The following WIPF2 variants were observed in gnomAD, a reference collection of about 807,000 sequenced individuals.
The protein encoded by WIPF2 is WAS/WASL interacting protein family member 2.
A neutral mutation model predicts 38.8 loss-of-function variants in WIPF2; 23 were observed. The ratio of observed to expected loss-of-function variants is 0.59; its 90% CI spans 0.43 to 0.84. The LOEUF is 0.84. Ranked by LOEUF, WIPF2 falls within the 40% of genes least tolerant of loss-of-function variation. WIPF2 has a pLI of 0.00. For synonymous variants in WIPF2, 210 were observed against 223.2 expected (o/e 0.94, Z 0.53); for missense variants, 574 against 580.5 (o/e 0.99, Z 0.11).
chr17:40,278,526 G>A lies in WIPF2; in HGVS notation c.*301G>A, dbSNP rs973825263. ...TCTTCTGCCTTCCTCTTGGGGAAAGGTGCCTTGTTGTGATGAATTAACTCA... is the reference window on the plus strand; with the variant it reads ...TCTTCTGCCTTCCTCTTGGGGAAAGATGCCTTGTTGTGATGAATTAACTCA... On this transcript the variant is annotated 3_prime_UTR_variant, in exon 8 of 8. Coordinates refer to ENST00000323571, the MANE Select transcript of WIPF2 (RefSeq NM_133264.5). 5.0e-6 allele frequency: 2 copies of A among 399,130 alleles called. No homozygotes were observed. The highest frequency in any genetic ancestry group is 4.0e-5 in the Admixed American group (1 of 24,810). 24.7% of individuals were successfully genotyped at this position (399,130 alleles called of 1,614,324 possible). A position where few individuals can be genotyped will look rare whatever the true frequency, so the allele number is the denominator to read the frequency against.
intron 1 of WIPF2, among the ~76,000 whole-genome samples, chr17:40,239,199 G>C (rs1489026340): frequency 1.3e-5 from 2 of 151,732 alleles, no homozygotes; most frequent in Non-Finnish European, 2.9e-5. Flanking sequence ...AGCCTCCCAA[G>C]TAGCTGGGAC....
intron 1 of WIPF2, among the ~76,000 whole-genome samples, chr17:40,241,504 A>G (rs1045634085): frequency 3.9e-5 from 6 of 152,156 alleles, no homozygotes; most frequent in Non-Finnish European, 8.8e-5. Context: ...TTAGTATTAA[A>G]TGTTGGCTGA....
At chr17:40,234,979 C>T (rs747271535) in intron 1 of WIPF2, among the ~76,000 whole-genome samples, 65 of 151,416 alleles carry the variant, frequency 4.3e-4, no homozygotes, top group South Asian at 3.3e-3. Flanking sequence ...TGCAGAGTGG[C>T]GCGATCTCAG....
chr17:40,228,799 G>A (rs1278916205), intron 1 of WIPF2, among the ~76,000 whole-genome samples: 1 of 151,796 alleles, frequency 6.6e-6, no homozygotes, highest in Admixed American at 6.6e-5. Flanking sequence ...AAAATTTTTT[G>A]TAGACGTGAG....
At chr17:40,273,652 C>A in intron 5 of WIPF2, 138 bp from the exon 6 acceptor site, 1 of 598,242 alleles carries the variant, frequency 1.7e-6, no homozygotes, top group South Asian at 2.0e-5. Context: ...TGATGCTGTT[C>A]AAGTAATAAG....
At chr17:40,274,878 C>T (rs2145413385) in intron 6 of WIPF2, among the ~76,000 whole-genome samples, 1 of 147,794 alleles carries the variant, frequency 6.8e-6, no homozygotes, top group East Asian at 2.0e-4. Flanking sequence ...CTGCAGCAAA[C>T]CATTGATCAC....
intron 2 of WIPF2, among the ~76,000 whole-genome samples, chr17:40,259,537 TTAA>T: frequency 6.6e-6 from 1 of 152,300 alleles, no homozygotes; most frequent in East Asian, 1.9e-4. Context: ...TGTTTGTTTA[TTAA>T]TGATGTGACG....
chr17:40,235,789 G>A (rs1217348630), intron 1 of WIPF2, among the ~76,000 whole-genome samples: 1 of 151,704 alleles, frequency 6.6e-6, no homozygotes, highest in African/African-American at 2.4e-5. Context: ...GGTCAGGCTG[G>A]TCTCGAATTC....
At chr17:40,258,453 A>G (rs544535268) in intron 2 of WIPF2, among the ~76,000 whole-genome samples, 6 of 152,220 alleles carry the variant, frequency 3.9e-5, no homozygotes, top group Admixed American at 3.9e-4. Flanking sequence ...TTAGCTGTGC[A>G]TGGTGGCGCT....
At chr17:40,237,318 G>A (rs184855544) in intron 1 of WIPF2, among the ~76,000 whole-genome samples, 8 of 145,176 alleles carry the variant, frequency 5.5e-5, no homozygotes, top group Admixed American at 2.2e-4. Flanking sequence ...TCGGGTCACC[G>A]CAATCTCCGC....
Position 40,283,223 on chromosome 17 carries a change from A to G in WIPF2, c.*4998A>G, listed in dbSNP as rs1361463600. On this transcript the variant is annotated 3_prime_UTR_variant, in exon 8 of 8. Coordinates refer to ENST00000323571, the MANE Select transcript of WIPF2 (RefSeq NM_133264.5). ...GAGTTCTAGTTACCCTTCCTGGGAG[A>G]TTCTGATGGTCCTTATTTTATTATT... 2 of 133,022 alleles carry G rather than the reference A, an allele frequency of 1.5e-5. No individual in the cohort carries two copies. The highest frequency in any genetic ancestry group is 2.5e-4 in the East Asian group (1 of 4,014). The allele number at this position is 133,022 out of a possible 1,614,324, so 8.2% of individuals were successfully genotyped here. A position where few individuals can be genotyped will look rare whatever the true frequency, so the allele number is the denominator to read the frequency against.
chr17:40,242,399 TTTGTTGTTG>T (rs897159305), intron 1 of WIPF2, among the ~76,000 whole-genome samples: 5 of 150,772 alleles, frequency 3.3e-5, no homozygotes, highest in African/African-American at 9.9e-5. Context: ...CAAGAAATTT[TTTGTTGTTG>T]TTGTTGTTGT....
At chr17:40,250,201 C>CAAAGCG (rs531301133) in intron 1 of WIPF2, among the ~76,000 whole-genome samples, 162 of 137,252 alleles carry the variant, frequency 1.2e-3, no homozygotes, top group African/African-American at 4.3e-3. Context: ...TGAGGATGTG[C>CAAAGCG]AAAGCGAATT....
rs536139340 is a variant in WIPF2, at chr17:40,235,836, A to G, written c.-70+16344A>G. ...TGATCTGCCTGTCTTGGCCTCCCAA[A>G]GTGCTGGGATTACAGGCATGAGCCA... On this transcript the variant is annotated intron_variant, in intron 1 of 7. Coordinates refer to ENST00000323571, the MANE Select transcript of WIPF2 (RefSeq NM_133264.5). Among the ~76,000 whole-genome samples, 6 of 152,136 alleles carry G rather than the reference A, an allele frequency of 3.9e-5. No individual in the cohort carries two copies. In the East Asian group the frequency reaches 1.2e-3, roughly 29 times the overall value.
chr17:40,278,588 C>G lies in WIPF2; in HGVS notation c.*363C>G. ...GGGTGGAGAATGGTACTCCTTCCTT[C>G]TCCTGTCCACTGTGGGGGAAGCTTG... is the stretch of plus-strand genomic sequence containing the variant. On this transcript the variant is annotated 3_prime_UTR_variant, in exon 8 of 8. Transcript: ENST00000323571. The G allele has an allele frequency of 4.5e-6, 1 of 223,916 alleles. No individual in the cohort carries two copies. Among genetic ancestry groups the G allele is most frequent in the Admixed American group, 5.5e-5 (1 of 18,174 alleles). The allele number at this position is 223,916 out of a possible 1,614,324, so 13.9% of individuals were successfully genotyped here.
chr17:40,238,043 C>T (rs1348487014), intron 1 of WIPF2, among the ~76,000 whole-genome samples: 1 of 149,108 alleles, frequency 6.7e-6, no homozygotes, highest in Non-Finnish European at 1.5e-5. Flanking sequence ...TCCAGCCTGG[C>T]AACAGAGGGA....
intron 1 of WIPF2, among the ~76,000 whole-genome samples, chr17:40,232,707 T>C (rs2030799379): frequency 6.6e-6 from 1 of 150,526 alleles, no homozygotes; most frequent in Admixed American, 6.6e-5. Flanking sequence ...TGGTGTGATC[T>C]CGGCTCACTG....
intron 1 of WIPF2, among the ~76,000 whole-genome samples, chr17:40,242,716 A>G (rs1272548922): frequency 2.6e-5 from 4 of 152,290 alleles, no homozygotes; most frequent in Middle Eastern, 6.8e-3. Context: ...AACAGTTTTG[A>G]TGAACAAAGT....
Position 40,281,298 on chromosome 17 carries a change from T to C in WIPF2, c.*3073T>C, listed in dbSNP as rs2032541183. 6.6e-6 allele frequency: 1 copy of C among 152,084 alleles called. No homozygotes were observed. Among genetic ancestry groups the C allele is most frequent in the African/African-American group, 2.4e-5 (1 of 41,438 alleles). 9.4% of individuals were successfully genotyped at this position (152,084 alleles called of 1,614,324 possible). A position where few individuals can be genotyped will look rare whatever the true frequency, so the allele number is the denominator to read the frequency against. On this transcript the variant is annotated 3_prime_UTR_variant, in exon 8 of 8. Coordinates refer to ENST00000323571, the MANE Select transcript of WIPF2 (RefSeq NM_133264.5). ...TTTTTCCCTAATGGGAAAAACGTTA[T>C]AGTTGTTTCTTACTGCCCTGTCTGG...
Sources: gnomAD v4.1 joint callset for allele counts (sites outside exome capture counted in the v4.1 genomes callset) on GRCh38, gnomAD v4.1.1 for gene constraint, MANE v1.5 for transcripts, NCBI Gene and HGNC (gene_info 2026-07-23, HGNC 2026-07-21) for gene names.